Variants in AFAP1L2 observed in about 807,000 individuals in gnomAD.
AFAP1L2 encodes actin filament associated protein 1 like 2.
A neutral mutation model predicts 99.3 loss-of-function variants in AFAP1L2; 46 were observed. The observed-to-expected ratio is 0.46, with a 90% CI of 0.37 to 0.59. AFAP1L2 has a LOEUF of 0.59. AFAP1L2 is among the 20% of genes least tolerant of loss of function. The pLI is 0.00. For synonymous variants in AFAP1L2, 397 were observed against 419.1 expected, an observed-to-expected ratio of 0.95 and a Z score of 0.64; for missense variants, 959 against 1,034.9, an observed-to-expected ratio of 0.93 and a Z score of 1.01.
intron 2 of AFAP1L2, among the ~76,000 whole-genome samples, chr10:114,335,379 A>G (rs571472370): frequency 3.9e-5 from 6 of 152,094 alleles, no homozygotes; most frequent in Non-Finnish European, 7.4e-5. Context: ...TTGGGAGGCC[A>G]AGGTGGGCGG....
chr10:114,356,383 G>T (rs887973959), intron 1 of AFAP1L2, among the ~76,000 whole-genome samples: 1 of 151,960 alleles, frequency 6.6e-6, no homozygotes, highest in Admixed American at 6.6e-5. Flanking sequence ...AAGAAACTTC[G>T]GTTTCCCCCG....
At chr10:114,372,711 T>C (rs946730689) in intron 1 of AFAP1L2, among the ~76,000 whole-genome samples, 2 of 152,006 alleles carry the variant, frequency 1.3e-5, no homozygotes, top group Admixed American at 1.3e-4. Flanking sequence ...AATTAAAACA[T>C]ATGCAATGAA....
At chr10:114,396,763 T>C (rs773241357) in intron 1 of AFAP1L2, among the ~76,000 whole-genome samples, 21 of 152,232 alleles carry the variant, frequency 1.4e-4, no homozygotes, top group Non-Finnish European at 8.8e-5. Context: ...AATGCTCTTA[T>C]ATTCCATGGT....
rs1564872646 is a variant in AFAP1L2 at position 114,324,845 on chromosome 10, GA to G, written c.316-1585del. On this transcript the variant is annotated intron_variant, in intron 4 of 18. Coordinates refer to ENST00000304129, the MANE Select transcript of AFAP1L2 (RefSeq NM_001001936.3). The stretch of plus-strand genomic sequence containing the variant: ...GCTTTGGGGGAGAGGGTAATGCTAG[GA>G]ATCCAGAAACTCCTGCCATGAAAAA... Among the ~76,000 whole-genome samples the G allele has an allele frequency of 2.6e-5, 4 of 152,282 alleles. No individual in the cohort carries two copies. The South Asian group carries it at 8.3e-4, about 32-fold the overall frequency.
intron 1 of AFAP1L2, among the ~76,000 whole-genome samples, chr10:114,349,383 CAAAAAAAAAA>C (rs113553514): frequency 3.5e-5 from 3 of 86,242 alleles, no homozygotes; most frequent in Admixed American, 1.4e-4. Context: ...AACTCGGTCT[CAAAAAAAAAA>C]AAAAAAAAAA....
intron 13 of AFAP1L2, 26 bp downstream of exon 13, chr10:114,301,328 A>T (rs1320405410): frequency 6.3e-7 from 1 of 1,579,124 alleles, no homozygotes; most frequent in Non-Finnish European, 8.7e-7. Context: ...GGAGAGGCCC[A>T]GGCCACTGCC....
chr10:114,389,264 T>TA (rs377310683), intron 1 of AFAP1L2, among the ~76,000 whole-genome samples: 9 of 152,052 alleles, frequency 5.9e-5, no homozygotes, highest in Admixed American at 2.0e-4. Flanking sequence ...AGGATTTTTT[T>TA]AAAAAAGAAA....
At chr10:114,384,020 T>C (rs1021796204) in intron 1 of AFAP1L2, among the ~76,000 whole-genome samples, 1 of 152,188 alleles carries the variant, frequency 6.6e-6, no homozygotes, top group Admixed American at 6.5e-5. Context: ...TTGGCCCCAG[T>C]GCCCTTGTCC....
At chr10:114,311,930 C>T (rs1402321429) in intron 7 of AFAP1L2, among the ~76,000 whole-genome samples, 1 of 152,238 alleles carries the variant, frequency 6.6e-6, no homozygotes, top group Admixed American at 6.5e-5. Flanking sequence ...GCCCATCAGA[C>T]AGGTGGACCA....
chr10:114,373,194 G>C (rs372510266), intron 1 of AFAP1L2, among the ~76,000 whole-genome samples: 1 of 152,116 alleles, frequency 6.6e-6, no homozygotes, highest in Non-Finnish European at 1.5e-5. Context: ...AGTGAGCCAC[G>C]ATCATGCCGC....
intron 1 of AFAP1L2, among the ~76,000 whole-genome samples, chr10:114,348,996 A>G (rs1447142423): frequency 6.6e-6 from 1 of 152,216 alleles, no homozygotes; most frequent in Non-Finnish European, 1.5e-5. Flanking sequence ...AGAACTTTCT[A>G]GGCTCATGCC....
the AFAP1L2 span, among the ~76,000 whole-genome samples, chr10:114,285,191 G>C: frequency 6.6e-6 from 1 of 152,202 alleles, no homozygotes; most frequent in African/African-American, 2.4e-5. Context: ...GTGGCTCCCA[G>C]CTTATTAGCT....
At chr10:114,312,720 A>G (rs1409496445) in intron 7 of AFAP1L2, among the ~76,000 whole-genome samples, 1 of 152,094 alleles carries the variant, frequency 6.6e-6, no homozygotes, top group African/African-American at 2.4e-5. Flanking sequence ...TCTCTCAGGA[A>G]CCCCACCCTA....
intron 16 of AFAP1L2, among the ~76,000 whole-genome samples, chr10:114,297,810 A>G (rs1226364690): frequency 6.6e-6 from 1 of 152,142 alleles, no homozygotes; most frequent in African/African-American, 2.4e-5. Flanking sequence ...TGGCTTCCCT[A>G]CGCCTAACAG....
chr10:114,304,713 CG>C lies in AFAP1L2; in HGVS notation c.1284+5del, dbSNP rs772083162. 1.2e-5 allele frequency: 19 copies of C among 1,594,992 alleles called. No individual in the cohort carries two copies. Among genetic ancestry groups the C allele is most frequent in the African/African-American group, 2.7e-5 (2 of 74,724 alleles). ...TGGCCCTGCTCCCCCTGCAGGCCGG[CG>C]GTACCTCAAGCTTGGCCAGCTCCTC... On this transcript the variant is annotated splice_donor_5th_base_variant and intron_variant, in intron 11 of 18. Transcript: ENST00000304129.
intron 6 of AFAP1L2, 130 bp downstream of exon 6, chr10:114,315,430 A>G: frequency 1.2e-6 from 1 of 847,860 alleles, no homozygotes; most frequent in Non-Finnish European, 1.8e-6. Context: ...ATTAGGGAGA[A>G]GTTAAAATCT....
intron 1 of AFAP1L2, among the ~76,000 whole-genome samples, chr10:114,384,867 G>A (rs2056296176): frequency 6.6e-6 from 1 of 152,234 alleles, no homozygotes; most frequent in South Asian, 2.1e-4. Context: ...TGGTTGAGAG[G>A]GGCAGATGGG....
At chr10:114,282,017 C>CATTTTTTTTTTT in the AFAP1L2 span, among the ~76,000 whole-genome samples, 1 of 119,662 alleles carries the variant, frequency 8.4e-6, no homozygotes, top group Non-Finnish European at 1.7e-5. Context: ...CTTATGTTAC[C>CATTTTTTTTTTT]TTTTTTTTTT....
intron 1 of AFAP1L2, among the ~76,000 whole-genome samples, chr10:114,403,132 G>C (rs570421148): frequency 6.6e-6 from 1 of 152,352 alleles, no homozygotes; most frequent in African/African-American, 2.4e-5. Context: ...CACCGGGTTA[G>C]AAATGCGAGA....
Sources: gnomAD v4.1 joint callset for allele counts (sites outside exome capture counted in the v4.1 genomes callset) on GRCh38, gnomAD v4.1.1 for gene constraint, MANE v1.5 for transcripts, NCBI Gene and HGNC (gene_info 2026-07-23, HGNC 2026-07-21) for gene names.